Variants in NAALADL2 observed in about 807,000 individuals in gnomAD.
NAALADL2 encodes the protein N-acetylated alpha-linked acidic dipeptidase like 2, also known as inactive N-acetylated-alpha-linked acidic dipeptidase-like protein 2.
NAALADL2 carries 76 observed loss-of-function variants against 87.2 expected under a neutral mutation model. The observed-to-expected ratio is 0.87, with a 90% confidence interval of 0.72 to 1.05. NAALADL2 has a LOEUF of 1.05. Ranked by LOEUF, NAALADL2 falls within the 50% of genes least tolerant of loss-of-function variation. NAALADL2 has a pLI of 0.00. For missense variants in NAALADL2, 1,089 were observed against 945.8 expected (o/e 1.15, Z -1.99); for synonymous variants, 354 against 331.0 (o/e 1.07, Z -0.75).
rs79578068 is a variant in NAALADL2, at chr3:174,729,663, A to T, written c.-114-7978A>T. Among the ~76,000 whole-genome samples, 940 of 152,182 alleles carry T rather than the reference A, an allele frequency of 6.2e-3. 6 individuals carry two copies. Among genetic ancestry groups the T allele is most frequent in the African/African-American group, 0.021 (893 of 41,566 alleles). On this transcript the variant is annotated intron_variant, in intron 2 of 3. Transcript: ENST00000434257. ...ACAAAGCTATATTCTATCTTTTAAT[A>T]TAACTTTTCTTTGAATTTAATATTT...
intron 5 of NAALADL2, among the ~76,000 whole-genome samples, chr3:175,353,707 A>G (rs762255802): frequency 1.3e-5 from 2 of 152,226 alleles, no homozygotes; most frequent in African/African-American, 4.8e-5. Context: ...TTTGAAATCT[A>G]ACAACCACTG....
chr3:175,323,792 C>T (rs1194976971), intron 4 of NAALADL2, among the ~76,000 whole-genome samples: 9 of 151,490 alleles, frequency 5.9e-5, no homozygotes, highest in Admixed American at 3.3e-4. Context: ...CCGAGGTGGG[C>T]GGATCACGAG....
chr3:175,626,855 A>C (rs1007393789), intron 10 of NAALADL2, among the ~76,000 whole-genome samples: 1 of 151,838 alleles, frequency 6.6e-6, no homozygotes, highest in African/African-American at 2.4e-5. Flanking sequence ...TTCACATTAC[A>C]TTTTAACTAC....
intron 2 of NAALADL2, among the ~76,000 whole-genome samples, chr3:175,206,304 A>C (rs747901461): frequency 7.9e-6 from 1 of 126,074 alleles, no homozygotes; most frequent in Non-Finnish European, 1.6e-5. Flanking sequence ...GTGTATATAT[A>C]TATATATACA....
intron 1 of NAALADL2, among the ~76,000 whole-genome samples, chr3:175,021,934 A>G (rs1253919629): frequency 6.6e-6 from 1 of 151,810 alleles, no homozygotes; most frequent in Non-Finnish European, 1.5e-5. Context: ...GCCCGGTGGG[A>G]GGTGTTTAGG....
chr3:175,743,826 A>G (rs534358742), intron 12 of NAALADL2, among the ~76,000 whole-genome samples: 1 of 152,350 alleles, frequency 6.6e-6, no homozygotes, highest in East Asian at 1.9e-4. Flanking sequence ...AGGCCAGTGT[A>G]TGACCATGAG....
chr3:175,181,737 G>GTATA (rs1391203383), intron 2 of NAALADL2, among the ~76,000 whole-genome samples: 1 of 62,704 alleles, frequency 1.6e-5, no homozygotes, highest in Non-Finnish European at 3.1e-5. Context: ...GTATATATGT[G>GTATA]TATATATGTA....
At chr3:174,747,781 A>G (rs1734409547) in intron 3 of NAALADL2, among the ~76,000 whole-genome samples, 1 of 152,066 alleles carries the variant, frequency 6.6e-6, no homozygotes, top group African/African-American at 2.4e-5. Context: ...AACCAGAAAT[A>G]CCATTTAACC....
At chr3:174,787,365 T>C (rs1311440308) in intron 3 of NAALADL2, among the ~76,000 whole-genome samples, 1 of 151,204 alleles carries the variant, frequency 6.6e-6, no homozygotes, top group Non-Finnish European at 1.5e-5. Context: ...GATTTCTTCA[T>C]TGTTTTGACA....
chr3:174,898,127 A>AG (rs1170734576), intron 1 of NAALADL2, among the ~76,000 whole-genome samples: 18 of 131,570 alleles, frequency 1.4e-4, no homozygotes, highest in Non-Finnish European at 4.5e-5. Flanking sequence ...AAAAAAAAAA[A>AG]AAAAAAAAAA....
intron 3 of NAALADL2, among the ~76,000 whole-genome samples, chr3:174,814,396 T>C (rs1720559689): frequency 6.6e-6 from 1 of 152,160 alleles, no homozygotes; most frequent in Admixed American, 6.6e-5. Context: ...TGTGAGCCAC[T>C]GTGCCTGGCC....
intron 2 of NAALADL2, among the ~76,000 whole-genome samples, chr3:175,151,579 G>A (rs188579504): frequency 1.3e-5 from 2 of 152,082 alleles, no homozygotes; most frequent in Admixed American, 1.3e-4. Flanking sequence ...CTCTCTGTGG[G>A]CCAGGAGTCT....
At chr3:175,253,977 T>C (rs1000586211) in intron 3 of NAALADL2, among the ~76,000 whole-genome samples, 1 of 152,184 alleles carries the variant, frequency 6.6e-6, no homozygotes, top group African/African-American at 2.4e-5. Flanking sequence ...TTCTAGACTC[T>C]ATCTTTCCAA....
chr3:175,755,853 G>A (rs139356804), intron 13 of NAALADL2, among the ~76,000 whole-genome samples: 143 of 152,222 alleles, frequency 9.4e-4, no homozygotes, highest in African/African-American at 3.2e-3. Flanking sequence ...TAATATTTAG[G>A]GGAAAGTGGG....
chr3:175,479,004 T>G (rs758118817), intron 9 of NAALADL2, among the ~76,000 whole-genome samples: 6 of 151,814 alleles, frequency 4.0e-5, no homozygotes, highest in Non-Finnish European at 8.9e-5. Flanking sequence ...ATATGACAAT[T>G]TATATAGTAT....
At chr3:174,938,717 C>G (rs768270416) in intron 1 of NAALADL2, among the ~76,000 whole-genome samples, 3 of 152,070 alleles carry the variant, frequency 2.0e-5, no homozygotes, top group Non-Finnish European at 2.9e-5. Context: ...GCCATTCTGA[C>G]TGATTTGAGA....
At chr3:175,282,924 T>C (rs954567618) in intron 4 of NAALADL2, among the ~76,000 whole-genome samples, 3 of 151,846 alleles carry the variant, frequency 2.0e-5, no homozygotes, top group Non-Finnish European at 2.9e-5. Flanking sequence ...TTTTTTTTTT[T>C]TTAAATCCTC....
intron 2 of NAALADL2, among the ~76,000 whole-genome samples, chr3:174,589,655 G>A (rs1051241560): frequency 6.6e-6 from 1 of 152,156 alleles, no homozygotes; most frequent in Non-Finnish European, 1.5e-5. Context: ...ATAACTTGAA[G>A]ATTTTATACC....
chr3:175,665,767 C>CA (rs1732876279), intron 11 of NAALADL2, among the ~76,000 whole-genome samples: 1 of 152,096 alleles, frequency 6.6e-6, no homozygotes, highest in Non-Finnish European at 1.5e-5. Flanking sequence ...CCCTTCTCTG[C>CA]TAAAAATACA....
Sources: gnomAD v4.1 joint callset for allele counts (sites outside exome capture counted in the v4.1 genomes callset) on GRCh38, gnomAD v4.1.1 for gene constraint, MANE v1.5 for transcripts, NCBI Gene and HGNC (gene_info 2026-07-23, HGNC 2026-07-21) for gene names.